VCL: variants seen among roughly 807,000 people sequenced by gnomAD.
VCL encodes the protein epididymis luminal protein 114.
VCL carries 47 observed loss-of-function variants against 125.7 expected under a neutral mutation model. The ratio of observed to expected loss-of-function variants is 0.37; its 90% CI spans 0.30 to 0.48. The LOEUF (loss-of-function observed/expected upper bound fraction) is 0.48. Among genes scored for constraint, VCL ranks in the 20% least tolerant of loss-of-function variants. The probability of loss-of-function intolerance (pLI) is 0.99; values close to 1 mark genes in which losing one functional copy is unlikely to be tolerated. For missense variants in VCL, 1,069 were observed against 1,455.5 expected (o/e 0.73, Z 4.32); for synonymous variants, 458 against 514.6 (o/e 0.89, Z 1.49).
chr10:74,012,206 A>G lies in VCL; in HGVS notation c.168+13831A>G, dbSNP rs550166489. 2.6e-5 allele frequency among the ~76,000 whole-genome samples: 4 copies of G among 152,272 alleles called. No homozygotes were observed. In the South Asian group the frequency reaches 8.3e-4, roughly 32 times the overall value. The stretch of plus-strand genomic sequence containing the variant: ...TCCCTGGAGAACTGGCTCATCTTTT[A>G]TCTACCAGGTGGATAACATGTTTTT... On this transcript the variant is annotated intron_variant, in intron 1 of 21. Coordinates refer to ENST00000211998, the MANE Select transcript of VCL (RefSeq NM_014000.3).
At chr10:74,087,315 A>T (rs1421638668) in intron 8 of VCL, among the ~76,000 whole-genome samples, 16 of 137,630 alleles carry the variant, frequency 1.2e-4, no homozygotes, top group African/African-American at 3.6e-4. Context: ...TTATTTATTT[A>T]TTTATTTTTT....
intron 6 of VCL, among the ~76,000 whole-genome samples, chr10:74,078,145 A>T (rs1275371441): frequency 6.6e-6 from 1 of 152,170 alleles, no homozygotes; most frequent in Non-Finnish European, 1.5e-5. Context: ...AATTAAAAAA[A>T]AATTTCACTG....
At chr10:74,082,388 T>C (rs1294276543) in intron 6 of VCL, 66 bp from the exon 7 acceptor site, 1 of 1,565,822 alleles carries the variant, frequency 6.4e-7, no homozygotes, top group Non-Finnish European at 8.8e-7. Flanking sequence ...TTCTTCTCTG[T>C]CTTACGTTCT....
At position 74,119,980 on chromosome 10, in the gene VCL, A is replaced by G. The variant is rs1840383792; in HGVS notation, c.*1811A>G. Reference sequence around the variant, plus strand: ...TTTATGCCGGATGTGCTTTTCTCCAATATCAGTGCTCGAGACACAGTGAAG... The same window carrying G: ...TTTATGCCGGATGTGCTTTTCTCCAGTATCAGTGCTCGAGACACAGTGAAG... On this transcript the variant is annotated 3_prime_UTR_variant, in exon 22 of 22. Coordinates refer to ENST00000211998, the MANE Select transcript of VCL (RefSeq NM_014000.3). 6.7e-6 allele frequency: 1 copy of G among 149,934 alleles called. No homozygotes were observed. The highest frequency in any genetic ancestry group is 2.1e-4 in the South Asian group (1 of 4,716). 9.3% of individuals were successfully genotyped at this position (149,934 alleles called of 1,614,324 possible).
intron 6 of VCL, chr10:74,076,580 G>GA (rs1258891670): frequency 3.3e-5 from 5 of 152,630 alleles, no homozygotes; most frequent in Non-Finnish European, 7.3e-5. Flanking sequence ...TGCTTTTGGA[G>GA]ATGCATCATT....
chr10:74,101,791 G>C (rs1368895646), intron 14 of VCL, among the ~76,000 whole-genome samples: 2 of 150,048 alleles, frequency 1.3e-5, no homozygotes, highest in Non-Finnish European at 3.0e-5. Flanking sequence ...TCTTAGTTTT[G>C]AAAGTAGAAA....
chr10:74,074,877 T>C lies in VCL; in HGVS notation c.757T>C (p.Trp253Arg), dbSNP rs1219124213. The change falls in exon 6 of 22, where the codon TGG becomes CGG. Residue 253 changes from tryptophan to arginine, a missense_variant. This residue lies in a region of VCL where 760 missense variants were observed against 928.9 expected (regional missense o/e 0.82). Coordinates refer to ENST00000211998, the MANE Select transcript of VCL (RefSeq NM_014000.3). Reference protein sequence around the residue: ...EIIRVLQLTSWDEDAWASKDT... With the variant: ...EIIRVLQLTSRDEDAWASKDT... ...AATTCGTGTGTTACAACTCACCTCTTGGGATGAAGATGCCTGGGCCAGCAA... is the reference window on the plus strand; with the variant it reads ...AATTCGTGTGTTACAACTCACCTCTCGGGATGAAGATGCCTGGGCCAGCAA... The C allele has an allele frequency of 6.2e-7, 1 of 1,614,150 alleles. No homozygotes were observed. The highest frequency in any genetic ancestry group is 1.7e-5 in the Admixed American group (1 of 60,026).
chr10:74,070,479 C>T (rs577624286), intron 2 of VCL, among the ~76,000 whole-genome samples, 191 bp from the exon 3 acceptor site: 1 of 152,276 alleles, frequency 6.6e-6, no homozygotes, highest in African/African-American at 2.4e-5. Context: ...GCTGGGATTA[C>T]AGGCATGAGC....
At chr10:74,087,261 A>G (rs2131904825) in intron 8 of VCL, among the ~76,000 whole-genome samples, 1 of 151,182 alleles carries the variant, frequency 6.6e-6, no homozygotes, top group East Asian at 1.9e-4. Flanking sequence ...TGAATGATTC[A>G]TTACCTCAAG....
At position 74,101,275 on chromosome 10, in the gene VCL, TG is replaced by T. The variant is rs915519087; in HGVS notation, c.2022+181del. 2.7e-5 allele frequency among the ~76,000 whole-genome samples: 4 copies of T among 150,406 alleles called. No individual in the cohort carries two copies. The South Asian group carries it at 6.3e-4, about 24-fold the overall frequency. Reference sequence around the variant, plus strand: ...GTGAGGCGGGAGGACTGCTTGAGCCTGGGAGTTTGAGACCAGCCTGGGCAAT... The same window carrying T: ...GTGAGGCGGGAGGACTGCTTGAGCCTGGAGTTTGAGACCAGCCTGGGCAAT... On this transcript the variant is annotated intron_variant, in intron 14 of 21. Transcript: ENST00000211998.
At chr10:74,098,095 G>A (rs1017719263) in intron 13 of VCL, among the ~76,000 whole-genome samples, 5 of 152,048 alleles carry the variant, frequency 3.3e-5, no homozygotes, top group South Asian at 4.1e-4. Flanking sequence ...CTTTGCTCTC[G>A]TGTGGTACCA....
intron 6 of VCL, among the ~76,000 whole-genome samples, chr10:74,082,124 A>G (rs1463389264): frequency 2.0e-5 from 3 of 152,202 alleles, no homozygotes; most frequent in African/African-American, 4.8e-5. Flanking sequence ...AAGGCTGACA[A>G]TGAGGCATGT....
intron 2 of VCL, among the ~76,000 whole-genome samples, chr10:74,054,376 T>A (rs555590117): frequency 6.6e-6 from 1 of 152,230 alleles, no homozygotes; most frequent in Non-Finnish European, 1.5e-5. Context: ...TTGTTGCTAA[T>A]TATCTTTTTT....
chr10:74,064,970 T>C (rs1458119748), intron 2 of VCL, among the ~76,000 whole-genome samples: 2 of 152,084 alleles, frequency 1.3e-5, no homozygotes, highest in Non-Finnish European at 2.9e-5. Context: ...AAACAATTCA[T>C]TGTTAAATAA....
chr10:74,003,842 C>T (rs1840272769), intron 1 of VCL, among the ~76,000 whole-genome samples: 1 of 152,286 alleles, frequency 6.6e-6, no homozygotes, highest in East Asian at 1.9e-4. Flanking sequence ...ACCTCAGCCT[C>T]CTTAGTAGCT....
intron 1 of VCL, among the ~76,000 whole-genome samples, chr10:74,035,250 T>G (rs967145650): frequency 1.3e-5 from 2 of 151,940 alleles, no homozygotes; most frequent in Admixed American, 6.6e-5. Flanking sequence ...AACCTTTTTT[T>G]TCTTTCTTTT....
chr10:74,062,759 A>AT (rs949589236), intron 2 of VCL, among the ~76,000 whole-genome samples: 37 of 151,916 alleles, frequency 2.4e-4, no homozygotes, highest in African/African-American at 8.2e-4. Context: ...TAATTTTTAA[A>AT]TTTTTTGTAG....
At chr10:74,117,986 G>A in intron 21 of VCL, 37 bp from the exon 22 acceptor site, 2 of 1,612,948 alleles carry the variant, frequency 1.2e-6, no homozygotes, top group Middle Eastern at 2.0e-4. Context: ...CCTGCATCAG[G>A]GACCCTGGGT....
chr10:74,069,626 T>C (rs541116215), intron 2 of VCL, among the ~76,000 whole-genome samples: 2 of 152,360 alleles, frequency 1.3e-5, no homozygotes, highest in Admixed American at 6.5e-5. Context: ...AATGAGACTG[T>C]ATAATTCTGG....
Sources: allele counts gnomAD v4.1 joint callset (sites outside exome capture counted in the v4.1 genomes callset), GRCh38; gene constraint gnomAD v4.1.1; regional missense constraint gnomAD v4.1.1; transcripts MANE v1.5; gene names NCBI Gene and HGNC (gene_info 2026-07-23, HGNC 2026-07-21).